CRACD: variants seen among roughly 807,000 people sequenced by gnomAD.
CRACD encodes capping protein inhibiting regulator of actin dynamics, also known as capping protein-inhibiting regulator of actin dynamics.
In CRACD, 56 loss-of-function variants were observed where a neutral mutation model predicts 106.8. That is an observed-to-expected ratio of 0.52 (90% CI 0.42 to 0.66). The LOEUF is 0.66. CRACD is among the 30% of genes least tolerant of loss of function. CRACD has a pLI of 0.00. For synonymous variants in CRACD, 754 were observed against 670.8 expected (o/e 1.12, Z -1.92); for missense variants, 1,730 against 1,623.2 (o/e 1.07, Z -1.13).
At chr4:56,218,428 T>TTCCCCTCCCTTTCCC (rs1560488060) in intron 2 of CRACD, among the ~76,000 whole-genome samples, 2 of 138,578 alleles carry the variant, frequency 1.4e-5, no homozygotes, top group African/African-American at 2.6e-5. Flanking sequence ...TTTCCCTCCC[T>TTCCCCTCCCTTTCCC]TCCCCTCCCT....
chr4:56,061,485 T>A (rs1218147906), intron 1 of CRACD, among the ~76,000 whole-genome samples: 1 of 151,800 alleles, frequency 6.6e-6, no homozygotes, highest in Non-Finnish European at 1.5e-5. Flanking sequence ...AAATATCTCA[T>A]GTATTAGGTG....
intron 10 of CRACD, among the ~76,000 whole-genome samples, 179 bp from the exon 11 acceptor site, chr4:56,327,465 T>C (rs927575419): frequency 6.6e-6 from 1 of 152,240 alleles, no homozygotes; most frequent in Non-Finnish European, 1.5e-5. Context: ...TGAGGTTTTG[T>C]ATATTTTAAT....
At chr4:56,216,390 C>T (rs1246174804) in intron 2 of CRACD, 1 of 152,056 alleles carries the variant, frequency 6.6e-6, no homozygotes, top group Admixed American at 6.5e-5. Context: ...TTTTTGACAG[C>T]TCTGTAATTT....
chr4:56,225,234 A>G (rs1219580058), intron 2 of CRACD, among the ~76,000 whole-genome samples: 1 of 152,070 alleles, frequency 6.6e-6, no homozygotes, highest in Non-Finnish European at 1.5e-5. Flanking sequence ...CTGGGATTAT[A>G]GTACGTACCA....
intron 4 of CRACD, 22 bp from the exon 5 acceptor site, chr4:56,307,513 T>C: frequency 1.2e-6 from 2 of 1,613,288 alleles, no homozygotes; most frequent in Non-Finnish European, 1.7e-6. Flanking sequence ...CTTCAGAATG[T>C]CTTTCTTCTG....
intron 2 of CRACD, among the ~76,000 whole-genome samples, chr4:56,199,106 A>T (rs1737756126): frequency 6.6e-6 from 1 of 152,056 alleles, no homozygotes; most frequent in Non-Finnish European, 1.5e-5. Context: ...GTTCTTTAGG[A>T]GTGGTCTTGC....
At chr4:56,214,679 C>CTATATATATATATATATATA (rs755261143) in intron 2 of CRACD, among the ~76,000 whole-genome samples, 2 of 74,196 alleles carry the variant, frequency 2.7e-5, no homozygotes, top group African/African-American at 9.4e-5. Context: ...CTCTCTCTCT[C>CTATATATATATATATATATA]TCTATATATA....
At chr4:56,222,667 C>A (rs34749662) in intron 2 of CRACD, among the ~76,000 whole-genome samples, 10,711 of 152,068 alleles carry the variant, frequency 0.07, 545 homozygotes, top group South Asian at 0.21. Context: ...ATTAAAGGGC[C>A]AGGCGTGGTG....
intron 3 of CRACD, among the ~76,000 whole-genome samples, chr4:56,276,323 A>G (rs902887671): frequency 2.6e-5 from 4 of 152,194 alleles, no homozygotes; most frequent in African/African-American, 9.7e-5. Flanking sequence ...AACAAATTAA[A>G]TAGGATTCTT....
chr4:56,145,174 T>A (rs1735339115), intron 1 of CRACD, among the ~76,000 whole-genome samples: 1 of 152,216 alleles, frequency 6.6e-6, no homozygotes, highest in Non-Finnish European at 1.5e-5. Flanking sequence ...CTGTGTTAAA[T>A]CCCATTTTTT....
chr4:56,258,285 G>A (rs927219768), intron 2 of CRACD, among the ~76,000 whole-genome samples: 2 of 152,006 alleles, frequency 1.3e-5, no homozygotes, highest in Non-Finnish European at 2.9e-5. Context: ...TGACCTGAAG[G>A]CACCTCCCCA....
At chr4:56,073,095 A>G (rs1250761111) in intron 1 of CRACD, among the ~76,000 whole-genome samples, 1 of 152,148 alleles carries the variant, frequency 6.6e-6, no homozygotes, top group Non-Finnish European at 1.5e-5. Flanking sequence ...TAGTAGAATG[A>G]TTTATAATTC....
At chr4:56,289,769 T>C (rs2109697201) in intron 3 of CRACD, among the ~76,000 whole-genome samples, 1 of 152,308 alleles carries the variant, frequency 6.6e-6, no homozygotes, top group South Asian at 2.1e-4. Context: ...TGGAACCCTC[T>C]TAATGCTCCT....
intron 2 of CRACD, among the ~76,000 whole-genome samples, chr4:56,253,122 G>A (rs140087663): frequency 5.9e-5 from 9 of 152,210 alleles, no homozygotes; most frequent in African/African-American, 2.2e-4. Flanking sequence ...CCTGCATCCT[G>A]ATGTAAAGAG....
At chr4:56,325,971 G>T (rs933843424) in intron 10 of CRACD, among the ~76,000 whole-genome samples, 1 of 152,204 alleles carries the variant, frequency 6.6e-6, no homozygotes, top group African/African-American at 2.4e-5. Context: ...GAGTGCGATG[G>T]CGCCATCTCG....
chr4:56,070,373 C>T (rs557295322), intron 1 of CRACD, among the ~76,000 whole-genome samples: 1 of 150,746 alleles, frequency 6.6e-6, no homozygotes, highest in South Asian at 2.1e-4. Flanking sequence ...CATCTCGGCT[C>T]ACTGCAAGCT....
chr4:56,151,109 G>C (rs1735566564), intron 1 of CRACD, among the ~76,000 whole-genome samples: 3 of 152,122 alleles, frequency 2.0e-5, no homozygotes, highest in Admixed American at 2.0e-4. Flanking sequence ...CAATTCTCCT[G>C]CCTCAGCCTC....
chr4:56,322,859 T>C (rs983528682), intron 8 of CRACD, among the ~76,000 whole-genome samples: 7 of 152,044 alleles, frequency 4.6e-5, no homozygotes, highest in African/African-American at 1.7e-4. Context: ...TAAAAACCCA[T>C]CTCTACTAAA....
chr4:56,191,547 C>T (rs980514749), intron 2 of CRACD, among the ~76,000 whole-genome samples: 8 of 152,216 alleles, frequency 5.3e-5, no homozygotes, highest in Admixed American at 3.3e-4. Context: ...AATCCAGGCT[C>T]ATCTTCCAAC....
Sources: allele counts gnomAD v4.1 joint callset (sites outside exome capture counted in the v4.1 genomes callset), GRCh38; gene constraint gnomAD v4.1.1; transcripts MANE v1.5; gene names NCBI Gene and HGNC (gene_info 2026-07-23, HGNC 2026-07-21).